LIMCH1: variants seen among roughly 807,000 people sequenced by gnomAD.
LIMCH1 encodes the protein LIM and calponin homology domains-containing protein 1.
A neutral mutation model predicts 176.5 loss-of-function variants in LIMCH1; 113 were observed. The observed-to-expected ratio is 0.64, with a 90% CI of 0.55 to 0.75. The LOEUF is 0.75. Among genes scored for constraint, LIMCH1 ranks in the 30% least tolerant of loss-of-function variants. The pLI is 0.00. For missense variants in LIMCH1, 1,674 were observed against 1,814.9 expected (o/e 0.92, Z 1.41); for synonymous variants, 619 against 645.9 (o/e 0.96, Z 0.63).
intron 4 of LIMCH1, among the ~76,000 whole-genome samples, chr4:41,606,784 C>T (rs565037161): frequency 7.2e-5 from 11 of 152,170 alleles, no homozygotes; most frequent in Admixed American, 2.0e-4. Context: ...TATAATGGAC[C>T]TCCATGTACT....
intron 1 of LIMCH1, among the ~76,000 whole-genome samples, chr4:41,398,947 A>C (rs118062929): frequency 0.014 from 2,096 of 152,256 alleles, 126 homozygotes; most frequent in Admixed American, 0.1. Context: ...TTTTGGCAAA[A>C]TCTAGGAACT....
At chr4:41,639,032 T>G in intron 14 of LIMCH1, 65 bp downstream of exon 14, 1 of 1,194,384 alleles carries the variant, frequency 8.4e-7, no homozygotes, top group South Asian at 1.5e-5. Context: ...TTCCAGTACT[T>G]ACCACTAATT....
intron 1 of LIMCH1, among the ~76,000 whole-genome samples, chr4:41,581,146 C>CTATCTATCT (rs5857802): frequency 0.089 from 13,203 of 148,358 alleles, 849 homozygotes; most frequent in African/African-American, 0.18. Context: ...ATCTATCTAT[C>CTATCTATCT]ATCTAATCAA....
intron 2 of LIMCH1, among the ~76,000 whole-genome samples, chr4:41,496,048 G>C (rs1186391631): frequency 6.6e-6 from 1 of 152,168 alleles, no homozygotes; most frequent in Non-Finnish European, 1.5e-5. Flanking sequence ...GTCAGGCTCT[G>C]AACTCTTTCT....
chr4:41,634,318 T>C (rs1238295726), intron 13 of LIMCH1, among the ~76,000 whole-genome samples: 1 of 152,246 alleles, frequency 6.6e-6, no homozygotes, highest in African/African-American at 2.4e-5. Flanking sequence ...TGTTCCAGTT[T>C]AGGGTCCTAT....
chr4:41,387,723 C>T (rs1436747631), intron 1 of LIMCH1, among the ~76,000 whole-genome samples: 1 of 152,258 alleles, frequency 6.6e-6, no homozygotes, highest in Non-Finnish European at 1.5e-5. Flanking sequence ...TTCAGTGATG[C>T]ACCAAGGAAG....
chr4:41,599,178 C>T, intron 2 of LIMCH1, 152 bp downstream of exon 2: 1 of 569,588 alleles, frequency 1.8e-6, no homozygotes, highest in South Asian at 2.3e-5. Context: ...AAACAACTCA[C>T]ATTGACTTTC....
intron 1 of LIMCH1, among the ~76,000 whole-genome samples, chr4:41,547,810 T>A (rs1583864965): frequency 7.0e-6 from 1 of 141,942 alleles, no homozygotes; most frequent in African/African-American, 2.6e-5. Flanking sequence ...AAATACAATA[T>A]AATATACATT....
intron 20 of LIMCH1, 59 bp from the exon 21 acceptor site, chr4:41,666,502 C>T: frequency 9.9e-7 from 1 of 1,011,524 alleles, no homozygotes; most frequent in Non-Finnish European, 1.6e-6. Context: ...TTGTGTGTCA[C>T]CTGTGCATTT....
chr4:41,531,523 C>CACACACACACA (rs2077311123), intron 3 of LIMCH1, among the ~76,000 whole-genome samples: 2 of 144,972 alleles, frequency 1.4e-5, no homozygotes, highest in African/African-American at 5.3e-5. Flanking sequence ...CACATACACA[C>CACACACACACA]CTTATACTTG....
At chr4:41,577,718 C>G (rs1269559479) in intron 1 of LIMCH1, among the ~76,000 whole-genome samples, 1 of 152,174 alleles carries the variant, frequency 6.6e-6, no homozygotes, top group African/African-American at 2.4e-5. Flanking sequence ...TGTGAGCTAC[C>G]ACGCCTTGCC....
At chr4:41,362,026 T>C (rs1207192651) in intron 1 of LIMCH1, among the ~76,000 whole-genome samples, 1 of 152,144 alleles carries the variant, frequency 6.6e-6, no homozygotes, top group Admixed American at 6.5e-5. Context: ...ACTTAGTGAC[T>C]CCCCACTCCG....
intron 1 of LIMCH1, among the ~76,000 whole-genome samples, chr4:41,376,903 C>G (rs1390707482): frequency 2.0e-5 from 3 of 152,110 alleles, no homozygotes; most frequent in African/African-American, 7.2e-5. Flanking sequence ...ATATGCAGTA[C>G]TTAGTGAAAA....
rs1364366099 is a variant in LIMCH1, at chr4:41,698,815, T to C, written c.*1630T>C. On this transcript the variant is annotated 3_prime_UTR_variant, in exon 32 of 32. Coordinates refer to ENST00000503057, the MANE Select transcript of LIMCH1 (RefSeq NM_001330672.2). ...ATTTGTCATTTGGATGAGCTGTTAT[T>C]AGATTGAAATCTACACATCATTTCA... 1 of 151,734 alleles carries C rather than the reference T, an allele frequency of 6.6e-6. No individual in the cohort carries two copies. Among genetic ancestry groups the C allele is most frequent in the Non-Finnish European group, 1.5e-5 (1 of 67,760 alleles). The allele number at this position is 151,734 out of a possible 1,614,324, so 9.4% of individuals were successfully genotyped here. A position where few individuals can be genotyped will look rare whatever the true frequency, so the allele number is the denominator to read the frequency against.
chr4:41,582,681 A>G (rs6825987), intron 1 of LIMCH1, among the ~76,000 whole-genome samples: 34,084 of 152,114 alleles, frequency 0.22, 4,587 homozygotes, highest in African/African-American at 0.37. Flanking sequence ...TCTACCTCAT[A>G]GGGTTGACAT....
At chr4:41,674,969 A>G (rs1440172435) in intron 22 of LIMCH1, among the ~76,000 whole-genome samples, 1 of 152,144 alleles carries the variant, frequency 6.6e-6, no homozygotes, top group South Asian at 2.1e-4. Context: ...AGAGCCTGTA[A>G]TATGCTAATG....
chr4:41,674,923 GCA>G (rs2095166205), intron 22 of LIMCH1, among the ~76,000 whole-genome samples: 1 of 152,032 alleles, frequency 6.6e-6, no homozygotes, highest in Non-Finnish European at 1.5e-5. Flanking sequence ...CCATCTGTAT[GCA>G]CAATTAAATG....
In LIMCH1 at chr4:41,626,869, C is replaced by T. The variant is rs755530203; in HGVS notation, c.887C>T (p.Ala296Val). Residue 296 changes from alanine (A) to valine (V), a missense_variant, in exon 8 of 32, where the codon GCA becomes GTA. Transcript: ENST00000503057. Reference protein sequence around the residue: ...LEKDDFAARRARMNQTKPMVP... With the variant: ...LEKDDFAARRVRMNQTKPMVP... ...AAGGATGACTTTGCTGCAAGGAGAG[C>T]AAGGATGAACCAAACCAAGCCAATG... 5 of 1,535,996 alleles carry T rather than the reference C, an allele frequency of 3.3e-6. No homozygotes were observed. Among genetic ancestry groups the T allele is most frequent in the African/African-American group, 1.4e-5 (1 of 73,014 alleles).
At chr4:41,438,084 C>CT (rs535257439) in intron 1 of LIMCH1, among the ~76,000 whole-genome samples, 11 of 151,614 alleles carry the variant, frequency 7.3e-5, no homozygotes, top group East Asian at 1.9e-4. Flanking sequence ...AATCAGCTAC[C>CT]TTTTTTTTTC....
Sources: allele counts gnomAD v4.1 joint callset (sites outside exome capture counted in the v4.1 genomes callset), GRCh38; gene constraint gnomAD v4.1.1; transcripts MANE v1.5; gene names NCBI Gene and HGNC (gene_info 2026-07-23, HGNC 2026-07-21).